Variants in CCDC141 observed in about 807,000 individuals in gnomAD.
CCDC141 encodes the protein coiled-coil domain-containing protein 141.
CCDC141 carries 168 observed loss-of-function variants against 181.0 expected under a neutral mutation model. The ratio of observed to expected loss-of-function variants is 0.93; its 90% CI spans 0.82 to 1.05. The LOEUF is 1.05. Ranked by LOEUF, CCDC141 falls within the 50% of genes least tolerant of loss-of-function variation. CCDC141 has a pLI of 0.00. For missense variants in CCDC141, 1,902 were observed against 1,788.5 expected (o/e 1.06, Z -1.14); for synonymous variants, 666 against 642.3 (o/e 1.04, Z -0.56).
chr2:178,817,501 A>G, the CCDC141 span: 15 of 470,902 alleles, frequency 3.2e-5, no homozygotes, highest in South Asian at 2.3e-4. Flanking sequence ...TCTTCTGAAA[A>G]TAAAGACAAA....
At chr2:178,928,773 T>C (rs769381811) in intron 6 of CCDC141, among the ~76,000 whole-genome samples, 7 of 152,168 alleles carry the variant, frequency 4.6e-5, no homozygotes, top group Non-Finnish European at 1.0e-4. Context: ...GGAGGGACTT[T>C]CTAAATTCAG....
At chr2:178,937,256 G>T (rs1023068620) in intron 6 of CCDC141, among the ~76,000 whole-genome samples, 1 of 152,002 alleles carries the variant, frequency 6.6e-6, no homozygotes, top group South Asian at 2.1e-4. Context: ...TTATTTGGAG[G>T]TATGTTCCTT....
intron 2 of CCDC141, among the ~76,000 whole-genome samples, chr2:179,045,839 C>T (rs1910518): frequency 1 from 152,243 of 152,346 alleles, 76,071 homozygotes; most frequent in Non-Finnish European, 1. Context: ...ATGGGGTTTT[C>T]CTACATAGAA....
chr2:178,944,167 T>C (rs1689634220), intron 6 of CCDC141, among the ~76,000 whole-genome samples: 1 of 152,198 alleles, frequency 6.6e-6, no homozygotes, highest in South Asian at 2.1e-4. Flanking sequence ...TCAAGTGACT[T>C]GGCATTTCCA....
chr2:178,891,979 C>A (rs1037100098), intron 8 of CCDC141, among the ~76,000 whole-genome samples: 1 of 152,128 alleles, frequency 6.6e-6, no homozygotes, highest in East Asian at 1.9e-4. Context: ...ATTTTCAAAT[C>A]AAATAAAATA....
At chr2:179,016,053 G>T (rs1367238127) in intron 2 of CCDC141, among the ~76,000 whole-genome samples, 2 of 150,458 alleles carry the variant, frequency 1.3e-5, no homozygotes, top group Non-Finnish European at 3.0e-5. Flanking sequence ...CAATGACCTG[G>T]ATGAGATTGG....
intron 11 of CCDC141, among the ~76,000 whole-genome samples, chr2:178,879,269 A>T (rs1198280455): frequency 6.6e-6 from 1 of 152,220 alleles, no homozygotes; most frequent in Non-Finnish European, 1.5e-5. Flanking sequence ...ACAGGACCAG[A>T]CTTAAATAGC....
chr2:179,015,286 C>CATATATCTCATCTATCTCAT (rs376208411), intron 2 of CCDC141, among the ~76,000 whole-genome samples: 25 of 120,864 alleles, frequency 2.1e-4, no homozygotes, highest in African/African-American at 7.5e-4. Context: ...ATCTATCTCT[C>CATATATCTCATCTATCTCAT]ATATATCTCA....
At chr2:178,959,652 C>A (rs1297247204) in intron 5 of CCDC141, among the ~76,000 whole-genome samples, 1 of 152,138 alleles carries the variant, frequency 6.6e-6, no homozygotes. Flanking sequence ...AGAGCAGAGT[C>A]AGCAGGTAAA....
intron 7 of CCDC141, among the ~76,000 whole-genome samples, chr2:178,908,115 AACATTTTAAAT>A (rs1396126088): frequency 6.6e-6 from 1 of 152,218 alleles, no homozygotes; most frequent in African/African-American, 2.4e-5. Context: ...ACTGTTTCTG[AACATTTTAAAT>A]ACATTTTAAA....
chr2:178,869,035 CCTTT>C (rs1435374551), intron 15 of CCDC141, 78 bp downstream of exon 15: 49 of 1,024,230 alleles, frequency 4.8e-5, no homozygotes, highest in Middle Eastern at 2.2e-4. Context: ...CACAATTTGG[CCTTT>C]ATTTATTATA....
At chr2:178,826,046 T>C (rs1554058304), downstream of CCDC141, among the ~76,000 whole-genome samples, 1 of 152,230 alleles carries the variant, frequency 6.6e-6, no homozygotes, top group Non-Finnish European at 1.5e-5. Context: ...TTAAGTATGA[T>C]GTTAGTTACA....
At chr2:178,940,528 A>G (rs1689465645) in intron 6 of CCDC141, among the ~76,000 whole-genome samples, 1 of 152,182 alleles carries the variant, frequency 6.6e-6, no homozygotes, top group African/African-American at 2.4e-5. Flanking sequence ...TAGAGAGAAT[A>G]AAGGGGAAGA....
chr2:178,927,932 C>T (rs141701992), intron 6 of CCDC141, among the ~76,000 whole-genome samples: 266 of 152,126 alleles, frequency 1.7e-3, no homozygotes, highest in Non-Finnish European at 3.0e-3. Context: ...AAGCCTGGCT[C>T]CATAGTGGTT....
At chr2:178,827,849 C>T (rs1460939332), downstream of CCDC141, among the ~76,000 whole-genome samples, 2 of 152,150 alleles carry the variant, frequency 1.3e-5, no homozygotes, top group Non-Finnish European at 2.9e-5. Context: ...ATTCTTTCAT[C>T]GTTCAGAAGG....
intron 5 of CCDC141, among the ~76,000 whole-genome samples, chr2:178,954,319 T>G (rs1690071881): frequency 6.6e-6 from 1 of 152,258 alleles, no homozygotes. Context: ...AATAAGATGC[T>G]GCTGGAGCTG....
intron 2 of CCDC141, among the ~76,000 whole-genome samples, chr2:178,991,033 G>A (rs1242672580): frequency 1.3e-5 from 2 of 152,124 alleles, no homozygotes; most frequent in Admixed American, 6.5e-5. Context: ...AGCTGAAACT[G>A]CCTACCATAA....
intron 9 of CCDC141, among the ~76,000 whole-genome samples, chr2:178,888,111 A>C (rs1287359071): frequency 6.6e-6 from 1 of 152,128 alleles, no homozygotes; most frequent in African/African-American, 2.4e-5. Flanking sequence ...TAAAACTCAT[A>C]ATATTTGGGA....
chr2:179,013,099 C>T (rs1316681711), intron 2 of CCDC141, among the ~76,000 whole-genome samples: 1 of 152,050 alleles, frequency 6.6e-6, no homozygotes, highest in East Asian at 1.9e-4. Context: ...CAATATAGTA[C>T]TGGAAGTCCT....
Sources: allele counts gnomAD v4.1 joint callset (sites outside exome capture counted in the v4.1 genomes callset), GRCh38; gene constraint gnomAD v4.1.1; transcripts MANE v1.5; gene names NCBI Gene and HGNC (gene_info 2026-07-23, HGNC 2026-07-21).